The following CACNA1B variants were observed in gnomAD, a reference collection of about 807,000 sequenced individuals.
CACNA1B encodes voltage-dependent N-type calcium channel subunit alpha-1B.
A neutral mutation model predicts 247.2 loss-of-function variants in CACNA1B; 70 were observed. The observed-to-expected ratio is 0.28, with a 90% confidence interval of 0.23 to 0.35. The LOEUF is 0.35. CACNA1B is among the 10% of genes least tolerant of loss of function. The pLI, the probability that CACNA1B is intolerant of heterozygous loss-of-function variation, is 1.00. For missense variants in CACNA1B, 2,367 were observed against 3,197.4 expected (o/e 0.74, Z 6.26); for synonymous variants, 1,231 against 1,294.4 (o/e 0.95, Z 1.05).
At chr9:138,029,295 G>A (rs1456225327) in intron 20 of CACNA1B, among the ~76,000 whole-genome samples, 1 of 152,194 alleles carries the variant, frequency 6.6e-6, no homozygotes, top group Non-Finnish European at 1.5e-5. Flanking sequence ...AGCTCATGTA[G>A]TATAGGAATT....
intron 37 of CACNA1B, among the ~76,000 whole-genome samples, chr9:138,099,896 T>G (rs1488989288): frequency 2.0e-5 from 3 of 152,264 alleles, no homozygotes; most frequent in Admixed American, 1.3e-4. Flanking sequence ...GCAATCTGGC[T>G]GCTCATTTCT....
At chr9:137,900,740 G>A (rs1367604633) in intron 3 of CACNA1B, among the ~76,000 whole-genome samples, 1 of 148,672 alleles carries the variant, frequency 6.7e-6, no homozygotes, top group Non-Finnish European at 1.5e-5. Flanking sequence ...CTCTGTGTCT[G>A]TGCTGTGTGT....
At chr9:137,894,349 G>A (rs1389862662) in intron 3 of CACNA1B, among the ~76,000 whole-genome samples, 1 of 138,090 alleles carries the variant, frequency 7.2e-6, no homozygotes, top group Non-Finnish European at 1.5e-5. Context: ...TGTCGTGATC[G>A]TTGTGGCTTT....
intron 20 of CACNA1B, among the ~76,000 whole-genome samples, chr9:138,028,291 G>A (rs1958947150): frequency 6.6e-6 from 1 of 152,000 alleles, no homozygotes; most frequent in South Asian, 2.1e-4. Context: ...CCGAAGTGCT[G>A]GGATTACAGG....
chr9:137,914,828 C>T lies in CACNA1B; in HGVS notation c.775+22C>T. 3.7e-6 allele frequency: 6 copies of T among 1,612,742 alleles called. No individual in the cohort carries two copies. Among genetic ancestry groups the T allele is most frequent in the Non-Finnish European group, 5.1e-6 (6 of 1,179,172 alleles). ...ACAGGTGAGGCCAGGCAGCACCCTC[C>T]AGCACAGGCAAGTGCCACGGATGCG... On this transcript the variant is annotated intron_variant, in intron 5 of 46. Transcript: ENST00000371372. This position sits in a 1 kb window ranked among gnomAD's most constrained non-coding sequence, Gnocchi z 4.3.
Position 137,952,309 on chromosome 9 carries a change from C to G in CACNA1B, c.1002C>G (p.Leu334=). The G allele has an allele frequency of 1.2e-6, 2 of 1,613,904 alleles. No individual in the cohort carries two copies. The highest frequency in any genetic ancestry group is 1.7e-6 in the Non-Finnish European group (2 of 1,179,856). Residue 334 remains leucine, a synonymous_variant, in exon 7 of 47, where the codon CTC becomes CTG. Transcript: ENST00000371372. This position sits in a 1 kb window ranked among gnomAD's most constrained non-coding sequence, Gnocchi z 4.8. ...NDAAGNTWNW[L]YFIPLIIIGS... is the part of the protein sequence containing the mutation. ...CGGCCGGCAACACCTGGAACTGGCT[C>G]TACTTCATCCCTCTCATCATCATCG...
At chr9:138,108,028 CAAAA>C (rs781314090) in intron 39 of CACNA1B, among the ~76,000 whole-genome samples, 6 of 88,618 alleles carry the variant, frequency 6.8e-5, no homozygotes, top group Admixed American at 1.2e-4. Flanking sequence ...CACCAGAGGA[CAAAA>C]AAAAAAAAAA....
rs562046564 is a variant in CACNA1B, at chr9:137,971,001, C to T, written c.1334-382C>T. On this transcript the variant is annotated intron_variant, in intron 10 of 46. Transcript: ENST00000371372. The surrounding 1 kb of genome is among the most constrained non-coding windows in gnomAD (Gnocchi z 4.4). ...ATGCTGCAGGGCTCTGTGGGCTATG[C>T]TGAAGAGATGGGATCTGGGGAGGGA... is the stretch of plus-strand genomic sequence containing the variant. Among the ~76,000 whole-genome samples the T allele has an allele frequency of 6.6e-6, 1 of 152,270 alleles. No individual in the cohort carries two copies. Among genetic ancestry groups the T allele is most frequent in the African/African-American group, 2.4e-5 (1 of 41,554 alleles).
intron 36 of CACNA1B, among the ~76,000 whole-genome samples, chr9:138,078,500 G>T (rs1436460167): frequency 6.6e-6 from 1 of 152,248 alleles, no homozygotes; most frequent in African/African-American, 2.4e-5. Flanking sequence ...ATTTCCAGGG[G>T]CAACTGTTCC....
chr9:137,999,130 A>G (rs1958534209), intron 15 of CACNA1B, among the ~76,000 whole-genome samples: 1 of 152,206 alleles, frequency 6.6e-6, no homozygotes, highest in Non-Finnish European at 1.5e-5. Flanking sequence ...TGGTGAAACC[A>G]AAATGGCGAG....
rs768835575 is a variant in CACNA1B, at chr9:138,010,493, A to G, written c.2160+416A>G. Among the ~76,000 whole-genome samples the G allele has an allele frequency of 3.3e-5, 5 of 152,038 alleles. No individual in the cohort carries two copies. Among genetic ancestry groups the G allele is most frequent in the Admixed American group, 6.5e-5 (1 of 15,276 alleles). On this transcript the variant is annotated intron_variant, in intron 17 of 46. Transcript: ENST00000371372. The surrounding 1 kb of genome is among the most constrained non-coding windows in gnomAD (Gnocchi z 5.3). ...AGCCTGGTGGGGGATGCAATTGTAC[A>G]TGTCTCCCTCTGTGATATCCCTCCG...
intron 36 of CACNA1B, among the ~76,000 whole-genome samples, chr9:138,083,775 G>A (rs968062167): frequency 6.6e-6 from 1 of 150,436 alleles, no homozygotes; most frequent in Non-Finnish European, 1.5e-5. Flanking sequence ...GACAGACCTG[G>A]GGAGTGGAGT....
In CACNA1B at chr9:138,011,983, C is replaced by T. The variant is rs116182116; in HGVS notation, c.2161-1146C>T. On this transcript the variant is annotated intron_variant, in intron 17 of 46. Coordinates refer to ENST00000371372, the MANE Select transcript of CACNA1B (RefSeq NM_000718.4). This position sits in a 1 kb window ranked among gnomAD's most constrained non-coding sequence, Gnocchi z 4.2. ...CCATTCTGAGGCCTGTGGTCTCAGC[C>T]GAGAACTATTGATCCGGAACCCAGG... Among the ~76,000 whole-genome samples, 790 of 152,242 alleles carry T rather than the reference C, an allele frequency of 5.2e-3. 8 individuals are homozygous for T. The highest frequency in any genetic ancestry group is 0.017 in the African/African-American group (701 of 41,544).
chr9:138,114,553 G>T, intron 41 of CACNA1B, 63 bp downstream of exon 41: 1 of 815,924 alleles, frequency 1.2e-6, no homozygotes. Context: ...GGCATCCTTC[G>T]GGGGGTTGAC....
chr9:137,932,714 A>G (rs1215478814), intron 6 of CACNA1B, among the ~76,000 whole-genome samples: 1 of 152,142 alleles, frequency 6.6e-6, no homozygotes, highest in African/African-American at 2.4e-5. Flanking sequence ...TTCACAAGGG[A>G]AACCGTGAAT....
At chr9:138,021,004 C>G (rs941356490) in intron 18 of CACNA1B, among the ~76,000 whole-genome samples, 1 of 152,242 alleles carries the variant, frequency 6.6e-6, no homozygotes, top group Non-Finnish European at 1.5e-5. Context: ...GCTCAGAGCC[C>G]AGGCCCCTCT....
At position 137,952,377 on chromosome 9, in the gene CACNA1B, G is replaced by C; in HGVS notation, c.1070G>C (p.Gly357Ala). Residue 357 changes from glycine (G) to alanine (A), a missense_variant and splice_region_variant, in exon 7 of 47, where the codon GGG becomes GCG. Transcript: ENST00000371372. This position sits in a 1 kb window ranked among gnomAD's most constrained non-coding sequence, Gnocchi z 4.8. ...MLNLVLGVLS[G>A]EFAKERERVE... Reference sequence around the variant, plus strand: ...AACCTGGTGCTGGGCGTGCTCTCGGGGTGAGAGACCATGTGGGGGATGTGC... The same window carrying C: ...AACCTGGTGCTGGGCGTGCTCTCGGCGTGAGAGACCATGTGGGGGATGTGC... 1 of 1,612,522 alleles carries C rather than the reference G, an allele frequency of 6.2e-7. No individual in the cohort carries two copies. Among genetic ancestry groups the C allele is most frequent in the Non-Finnish European group, 8.5e-7 (1 of 1,178,618 alleles).
In CACNA1B at chr9:138,054,913, G is replaced by C. The variant is rs899437688; in HGVS notation, c.3968+907G>C. ...ATGAGATTGAGCCCCCTTTGCTAGGGGGATTGGCCGCTTAGGTGTTCTTTT... is the reference window on the plus strand; with the variant it reads ...ATGAGATTGAGCCCCCTTTGCTAGGCGGATTGGCCGCTTAGGTGTTCTTTT... On this transcript the variant is annotated intron_variant, in intron 26 of 46. Coordinates refer to ENST00000371372, the MANE Select transcript of CACNA1B (RefSeq NM_000718.4). The surrounding 1 kb of genome is among the most constrained non-coding windows in gnomAD (Gnocchi z 4.6). Among the ~76,000 whole-genome samples, 2 of 152,122 alleles carry C rather than the reference G, an allele frequency of 1.3e-5. No individual in the cohort carries two copies. Among genetic ancestry groups the C allele is most frequent in the African/African-American group, 4.8e-5 (2 of 41,436 alleles).
intron 13 of CACNA1B, among the ~76,000 whole-genome samples, chr9:137,985,478 A>AC (rs1412059692): frequency 6.6e-6 from 1 of 152,048 alleles, no homozygotes; most frequent in Non-Finnish European, 1.5e-5. Flanking sequence ...GCTGGCCTAG[A>AC]CCCCTGCTAG....
Sources: allele counts gnomAD v4.1 joint callset (sites outside exome capture counted in the v4.1 genomes callset), GRCh38; gene constraint gnomAD v4.1.1; non-coding constraint Gnocchi (gnomAD v3.1); transcripts MANE v1.5; gene names NCBI Gene and HGNC (gene_info 2026-07-23, HGNC 2026-07-21).